PCDH15: variants seen among roughly 807,000 people sequenced by gnomAD.
PCDH15 encodes the protein protocadherin related 15, also known as protocadherin-15.
In PCDH15, 129 loss-of-function variants were observed where a neutral mutation model predicts 178.5. That is an observed-to-expected ratio of 0.72 (90% confidence interval 0.63 to 0.84). PCDH15 has a LOEUF of 0.84. PCDH15 is among the 40% of genes least tolerant of loss of function. PCDH15 has a pLI of 0.00. For synonymous variants in PCDH15, 800 were observed against 732.0 expected, an observed-to-expected ratio of 1.09 and a Z score of -1.50; for missense variants, 2,230 against 2,099.9, an observed-to-expected ratio of 1.06 and a Z score of -1.21.
At chr10:54,480,986 G>A (rs1387289498) in intron 3 of PCDH15, among the ~76,000 whole-genome samples, 1 of 151,772 alleles carries the variant, frequency 6.6e-6, no homozygotes, top group Non-Finnish European at 1.5e-5. Context: ...CTGATGTTTG[G>A]AGACTAACAT....
chr10:55,372,922 GA>G (rs1588964254), intron 2 of PCDH15, among the ~76,000 whole-genome samples: 1 of 151,514 alleles, frequency 6.6e-6, no homozygotes, highest in South Asian at 2.1e-4. Flanking sequence ...ATATCAACAA[GA>G]AAAAAATTGA....
intron 2 of PCDH15, among the ~76,000 whole-genome samples, chr10:54,955,295 G>A (rs1207622470): frequency 6.6e-6 from 1 of 151,132 alleles, no homozygotes; most frequent in Non-Finnish European, 1.5e-5. Context: ...TTGTTCTTTT[G>A]TTTTTCTTTT....
At chr10:54,992,474 C>T (rs527347303) in intron 2 of PCDH15, among the ~76,000 whole-genome samples, 4 of 152,180 alleles carry the variant, frequency 2.6e-5, no homozygotes, top group African/African-American at 7.2e-5. Flanking sequence ...TGAAGTTGAT[C>T]GGGCGCAGCG....
intron 2 of PCDH15, among the ~76,000 whole-genome samples, chr10:55,572,443 T>C (rs1023457826): frequency 3.3e-5 from 5 of 151,040 alleles, no homozygotes; most frequent in African/African-American, 4.8e-5. Context: ...TATATTATAA[T>C]TTTTAAATAT....
At chr10:54,544,605 T>C (rs1466354617) in intron 2 of PCDH15, among the ~76,000 whole-genome samples, 1 of 152,156 alleles carries the variant, frequency 6.6e-6, no homozygotes, top group Non-Finnish European at 1.5e-5. Flanking sequence ...ATATCATACA[T>C]TTTGCCAACA....
At chr10:54,316,933 A>G (rs2133639605) in intron 8 of PCDH15, among the ~76,000 whole-genome samples, 1 of 152,260 alleles carries the variant, frequency 6.6e-6, no homozygotes, top group Non-Finnish European at 1.5e-5. Flanking sequence ...TTACGACTGC[A>G]TGTTTAAATA....
intron 2 of PCDH15, among the ~76,000 whole-genome samples, chr10:55,586,259 T>A (rs1011642913): frequency 1.3e-5 from 2 of 152,010 alleles, no homozygotes; most frequent in African/African-American, 4.8e-5. Context: ...CTCATCTAAC[T>A]TACTACGAAC....
At chr10:54,323,729 T>G (rs2061752387) in intron 7 of PCDH15, among the ~76,000 whole-genome samples, 1 of 151,958 alleles carries the variant, frequency 6.6e-6, no homozygotes, top group Admixed American at 6.6e-5. Context: ...GGAGAGAGAA[T>G]GGATCAAAAA....
chr10:55,230,493 A>T (rs1347437608), intron 1 of PCDH15, among the ~76,000 whole-genome samples: 1 of 152,134 alleles, frequency 6.6e-6, no homozygotes, highest in African/African-American at 2.4e-5. Flanking sequence ...TGTTTAATAC[A>T]TTAACATTTA....
Position 54,646,078 on chromosome 10 carries a change from G to T in PCDH15, c.91+18094C>A, listed in dbSNP as rs79020198. Among the ~76,000 whole-genome samples the T allele has an allele frequency of 7.2e-3, 1,095 of 151,960 alleles. 14 individuals carry two copies. Among genetic ancestry groups the T allele is most frequent in the African/African-American group, 0.025 (1,043 of 41,434 alleles). ...ATATTCACACACTACATGTTTTATCGCATGTTAATCCTCTGTTTCTCTTTT... is the reference window on the plus strand; with the variant it reads ...ATATTCACACACTACATGTTTTATCTCATGTTAATCCTCTGTTTCTCTTTT... On this transcript the variant is annotated intron_variant, in intron 2 of 37. Transcript: ENST00000644397.
At chr10:54,220,776 G>A (rs1335295437) in intron 9 of PCDH15, among the ~76,000 whole-genome samples, 4 of 151,734 alleles carry the variant, frequency 2.6e-5, no homozygotes, top group South Asian at 2.1e-4. Context: ...AGTGAGCCGA[G>A]ATCGCGCCAC....
At chr10:53,926,644 C>T (rs2084577554) in intron 25 of PCDH15, among the ~76,000 whole-genome samples, 1 of 152,210 alleles carries the variant, frequency 6.6e-6, no homozygotes, top group Non-Finnish European at 1.5e-5. Context: ...TACAACCAAG[C>T]TGCACCTCAA....
At chr10:55,442,484 T>TATATATA (rs1839217411) in intron 2 of PCDH15, among the ~76,000 whole-genome samples, 3 of 123,080 alleles carry the variant, frequency 2.4e-5, no homozygotes, top group East Asian at 2.7e-4. Context: ...ATATATATTA[T>TATATATA]ATATATATAT....
At chr10:54,831,945 C>T (rs1252669336) in intron 3 of PCDH15, among the ~76,000 whole-genome samples, 3 of 152,036 alleles carry the variant, frequency 2.0e-5, no homozygotes, top group African/African-American at 7.2e-5. Flanking sequence ...TAAATCATAA[C>T]TAAACTAGTA....
At chr10:54,710,513 T>C (rs1409590013) in intron 1 of PCDH15, among the ~76,000 whole-genome samples, 1 of 152,014 alleles carries the variant, frequency 6.6e-6, no homozygotes, top group East Asian at 1.9e-4. Flanking sequence ...GCCTATTTAT[T>C]TTCTACTGGC....
chr10:54,143,799 T>TCC (rs1366668245), intron 14 of PCDH15, among the ~76,000 whole-genome samples: 1 of 152,196 alleles, frequency 6.6e-6, no homozygotes, highest in East Asian at 1.9e-4. Flanking sequence ...ATTTTTTCTC[T>TCC]GCCTATTTTC....
chr10:54,605,323 AG>A (rs2092698681), intron 2 of PCDH15, among the ~76,000 whole-genome samples: 1 of 151,996 alleles, frequency 6.6e-6, no homozygotes, highest in African/African-American at 2.4e-5. Context: ...TTATATGACA[AG>A]TCTAGTGGCA....
At chr10:53,958,570 A>G (rs1330469387) in intron 23 of PCDH15, among the ~76,000 whole-genome samples, 3 of 152,110 alleles carry the variant, frequency 2.0e-5, no homozygotes, top group African/African-American at 7.2e-5. Context: ...CTCTCTCCAG[A>G]TAAGGACATG....
intron 1 of PCDH15, among the ~76,000 whole-genome samples, chr10:55,222,880 A>T (rs1401918918): frequency 6.6e-6 from 1 of 151,628 alleles, no homozygotes; most frequent in African/African-American, 2.4e-5. Flanking sequence ...AGCATGAGTT[A>T]ATCCTGGATG....
Sources: gnomAD v4.1 joint callset for allele counts (sites outside exome capture counted in the v4.1 genomes callset) on GRCh38, gnomAD v4.1.1 for gene constraint, MANE v1.5 for transcripts, NCBI Gene and HGNC (gene_info 2026-07-23, HGNC 2026-07-21) for gene names.